The following GPM6B variants were observed in gnomAD, a reference collection of about 807,000 sequenced individuals.
GPM6B encodes neuronal membrane glycoprotein M6-b.
Under a neutral mutation model 27.2 loss-of-function variants are expected in GPM6B, and 4 were observed. The observed-to-expected ratio is 0.15, with a 90% CI of 0.07 to 0.34. GPM6B has a LOEUF of 0.34. Among genes scored for constraint, GPM6B ranks in the 10% least tolerant of loss-of-function variants. The pLI is 1.00. For synonymous variants in GPM6B, 124 were observed against 103.1 expected, an observed-to-expected ratio of 1.20 and a Z score of -1.23; for missense variants, 183 against 261.9, an observed-to-expected ratio of 0.70 and a Z score of 2.08.
At chrX:13,896,088 G>A (rs746242744) in intron 1 of GPM6B, among the ~76,000 whole-genome samples, 2 of 97,890 alleles carry the variant, frequency 2.0e-5, no homozygotes, top group South Asian at 1.1e-3. Flanking sequence ...CCAGGAGGTC[G>A]AGGCTGCAGT....
At chrX:13,921,233 T>C (rs1322017453) in intron 1 of GPM6B, among the ~76,000 whole-genome samples, 1 of 112,343 alleles carries the variant, frequency 8.9e-6, no homozygotes, top group African/African-American at 3.2e-5. Context: ...CTTCAGAAAG[T>C]ACCTCCTGAA....
At chrX:13,782,451 C>G (rs182897947) in intron 4 of GPM6B, among the ~76,000 whole-genome samples, 4 of 111,460 alleles carry the variant, frequency 3.6e-5, no homozygotes, top group Admixed American at 9.5e-5. Context: ...GAAACTAGAC[C>G]TCTATTTTTG....
chrX:13,800,640 ATAT>A (rs1212229922), intron 2 of GPM6B, among the ~76,000 whole-genome samples: 1 of 112,270 alleles, frequency 8.9e-6, no homozygotes, highest in Non-Finnish European at 1.9e-5. Context: ...CTGTAAATAC[ATAT>A]ACAGGTTGAA....
At chrX:13,791,879 C>CACAT (rs2048720049) in intron 2 of GPM6B, among the ~76,000 whole-genome samples, 1 of 110,319 alleles carries the variant, frequency 9.1e-6, no homozygotes, top group Non-Finnish European at 1.9e-5. Flanking sequence ...ATGAATGTCA[C>CACAT]ACATACATAC....
At chrX:13,892,451 A>G (rs749420651) in intron 1 of GPM6B, among the ~76,000 whole-genome samples, 19 of 112,178 alleles carry the variant, frequency 1.7e-4, no homozygotes, top group Non-Finnish European at 3.2e-4. Flanking sequence ...ACCTAATACA[A>G]CACACACAAT....
Position 13,771,377 on chromosome X carries a change from T to G in GPM6B, c.*1504A>C, listed in dbSNP as rs766569963. 4.2e-5 allele frequency: 4 copies of G among 95,334 alleles called. No homozygotes were observed. The highest frequency in any genetic ancestry group is 1.3e-4 in the Admixed American group (1 of 7,863). 7.9% of individuals were successfully genotyped at this position (95,334 alleles called of 1,213,427 possible). On this transcript the variant is annotated 3_prime_UTR_variant, in exon 8 of 8. Coordinates refer to ENST00000316715, the MANE Select transcript of GPM6B (RefSeq NM_001001995.3). Reference sequence around the variant, plus strand: ...CAACTGTTCTACACAGAAGAGAGCTTCTCTTAATTTAAAAAAAAAAAAAAA... The same window carrying G: ...CAACTGTTCTACACAGAAGAGAGCTGCTCTTAATTTAAAAAAAAAAAAAAA...
chrX:13,845,786 C>T (rs753839169), intron 1 of GPM6B, among the ~76,000 whole-genome samples: 2 of 112,195 alleles, frequency 1.8e-5, no homozygotes, highest in South Asian at 3.7e-4. Flanking sequence ...CAGCCAGCAA[C>T]GTTGCAAGAA....
intron 1 of GPM6B, among the ~76,000 whole-genome samples, chrX:13,886,793 T>A (rs951764920): frequency 4.8e-5 from 5 of 104,869 alleles, no homozygotes; most frequent in Non-Finnish European, 9.7e-5. Context: ...GGTACCAGTC[T>A]ACAAATGCCC....
At chrX:13,834,177 G>A (rs1407062808) in intron 1 of GPM6B, among the ~76,000 whole-genome samples, 1 of 112,662 alleles carries the variant, frequency 8.9e-6, no homozygotes, top group African/African-American at 3.2e-5. Flanking sequence ...AATCAGGATG[G>A]ATAGGACTAA....
At chrX:13,804,811 AAG>A (rs1491005662) in intron 2 of GPM6B, among the ~76,000 whole-genome samples, 3 of 50,345 alleles carry the variant, frequency 6.0e-5, no homozygotes, top group Non-Finnish European at 1.0e-4. Context: ...TAAAAAAAAA[AAG>A]AAAAAAAAAA....
chrX:13,835,719 T>C lies in GPM6B; in HGVS notation c.-197-49911A>G, dbSNP rs181423113. On this transcript the variant is annotated intron_variant, in intron 1 of 6. Transcript: ENST00000398361. ...CTTACGTGTACCTTTTAAAAAGCTG[T>C]CTATACAGGATTTTTTTCCAGTCAT... Among the ~76,000 whole-genome samples, 12 of 112,476 alleles carry C rather than the reference T, an allele frequency of 1.1e-4. No individual in the cohort carries two copies. The East Asian group carries it at 3.3e-3, about 31-fold the overall frequency.
intron 4 of GPM6B, among the ~76,000 whole-genome samples, chrX:13,781,935 T>G (rs1237562299): frequency 9.0e-6 from 1 of 111,683 alleles, no homozygotes; most frequent in Non-Finnish European, 1.9e-5. Flanking sequence ...GACAAAGGCC[T>G]TTGGTGATGG....
intron 1 of GPM6B, among the ~76,000 whole-genome samples, chrX:13,896,528 G>C (rs2050234163): frequency 9.0e-6 from 1 of 111,206 alleles, no homozygotes; most frequent in Admixed American, 9.5e-5. Context: ...GAAATTGCTA[G>C]TTTTGTAGGT....
intron 7 of GPM6B, chrX:13,774,744 TTAAAATC>T: frequency 4.0e-6 from 2 of 505,843 alleles, no homozygotes; most frequent in Non-Finnish European, 6.8e-6. Context: ...TTTTTCCCAC[TTAAAATC>T]ACAACAGACA....
At chrX:13,826,155 C>T (rs7056902) in intron 1 of GPM6B, among the ~76,000 whole-genome samples, 35,214 of 109,899 alleles carry the variant, frequency 0.32, 5,163 homozygotes, top group Non-Finnish European at 0.46. Context: ...GGTGACAAAA[C>T]GGAAGGCACG....
Position 13,776,017 on chromosome X carries a change from C to G in GPM6B, c.837+221G>C, listed in dbSNP as rs2048406683. ...TTGATAGGTGTTGATACCCTCTTTT[C>G]TTTCCAGAGTCCAAATTACATCACC... is the stretch of plus-strand genomic sequence containing the variant. On this transcript the variant is annotated intron_variant, in intron 7 of 7. Transcript: ENST00000316715. 1.3e-5 allele frequency: 5 copies of G among 394,419 alleles called. No individual in the cohort carries two copies. The South Asian group carries it at 1.6e-4, about 13-fold the overall frequency. The allele number at this position is 394,419 out of a possible 1,213,427, so 32.5% of individuals were successfully genotyped here.
chrX:13,795,158 A>G (rs958157965), intron 2 of GPM6B, among the ~76,000 whole-genome samples: 9 of 112,432 alleles, frequency 8.0e-5, no homozygotes, highest in Admixed American at 2.8e-4. Flanking sequence ...GACATGGTTT[A>G]ATTAAATGTG....
intron 2 of GPM6B, among the ~76,000 whole-genome samples, chrX:13,790,314 A>C (rs1400314056): frequency 8.9e-6 from 1 of 112,400 alleles, no homozygotes; most frequent in Non-Finnish European, 1.9e-5. Flanking sequence ...TCAAGAAAAG[A>C]TATGAGTGGA....
chrX:13,931,690 AC>A (rs947545329), intron 1 of GPM6B, among the ~76,000 whole-genome samples: 2 of 111,302 alleles, frequency 1.8e-5, no homozygotes, highest in Admixed American at 9.5e-5. Context: ...TTACAAAAAA[AC>A]ATTTTTGTAA....
Sources: allele counts gnomAD v4.1 joint callset (sites outside exome capture counted in the v4.1 genomes callset), GRCh38; gene constraint gnomAD v4.1.1; transcripts MANE v1.5; gene names NCBI Gene and HGNC (gene_info 2026-07-23, HGNC 2026-07-21).